The following PLS3 variants were observed in gnomAD, a reference collection of about 807,000 sequenced individuals.
PLS3 encodes the protein plastin 3.
A neutral mutation model predicts 46.5 loss-of-function variants in PLS3; 11 were observed. The observed-to-expected ratio is 0.24, with a 90% CI of 0.15 to 0.39. The LOEUF is 0.39. Ranked by LOEUF, PLS3 falls within the 10% of genes least tolerant of loss-of-function variation. The pLI is 1.00. For synonymous variants in PLS3, 167 were observed against 162.2 expected (o/e 1.03, Z -0.22); for missense variants, 308 against 461.8 (o/e 0.67, Z 3.05).
intron 2 of PLS3, among the ~76,000 whole-genome samples, chrX:115,618,987 T>C (rs1309984384): frequency 1.8e-5 from 2 of 112,601 alleles, no homozygotes; most frequent in African/African-American, 6.4e-5. Context: ...TCCAAAGATA[T>C]CATAAAAATG....
chrX:115,578,782 TATTA>T (rs782165760), intron 1 of PLS3, among the ~76,000 whole-genome samples: 48 of 110,737 alleles, frequency 4.3e-4, no homozygotes, highest in Non-Finnish European at 7.7e-4. Flanking sequence ...TCATTTTCCC[TATTA>T]ATTTAATTAT....
chrX:115,607,946 C>T (rs1323706771), intron 1 of PLS3, among the ~76,000 whole-genome samples: 4 of 111,779 alleles, frequency 3.6e-5, no homozygotes, highest in Non-Finnish European at 5.6e-5. Context: ...GTCCTGAGAG[C>T]CCAGGTCTTC....
chrX:115,639,271 C>T (rs2074870987), intron 8 of PLS3, among the ~76,000 whole-genome samples: 1 of 111,861 alleles, frequency 8.9e-6, no homozygotes, highest in South Asian at 3.7e-4. Flanking sequence ...AAATGCTATG[C>T]CCCCAAATGA....
chrX:115,645,237 A>G (rs191182088), intron 11 of PLS3, 138 bp downstream of exon 11: 29 of 471,111 alleles, frequency 6.2e-5, no homozygotes, highest in African/African-American at 5.1e-4. Context: ...GATTTCCATC[A>G]TCATTTTCCA....
At chrX:115,561,897 G>A (rs1170920627) in intron 1 of PLS3, among the ~76,000 whole-genome samples, 1 of 111,334 alleles carries the variant, frequency 9.0e-6, no homozygotes, top group Non-Finnish European at 1.9e-5. Flanking sequence ...AGGGCGTCGC[G>A]AACGCACCTA....
At chrX:115,635,582 C>T (rs1419173672) in intron 7 of PLS3, among the ~76,000 whole-genome samples, 2 of 89,651 alleles carry the variant, frequency 2.2e-5, no homozygotes, top group Non-Finnish European at 4.1e-5. Context: ...ACCCGGAAGG[C>T]GGAGGTTGCA....
chrX:115,622,673 C>A (rs1299622414), intron 3 of PLS3, among the ~76,000 whole-genome samples: 3 of 111,306 alleles, frequency 2.7e-5, no homozygotes, highest in Non-Finnish European at 5.6e-5. Flanking sequence ...GGCGAACAGT[C>A]TCCTTTCATG....
Position 115,650,428 on chromosome X carries a change from G to T in PLS3, c.*867G>T. ...AATATGATACTTTTGAGGAGAGAGT[G>T]TGCTCAGAACTTAGACGGGATTTGG... On this transcript the variant is annotated 3_prime_UTR_variant, in exon 16 of 16. Coordinates refer to ENST00000355899, the MANE Select transcript of PLS3 (RefSeq NM_005032.7). 8.9e-6 allele frequency: 1 copy of T among 112,172 alleles called. No homozygotes were observed. The highest frequency in any genetic ancestry group is 4.6e-3 in the Middle Eastern group (1 of 219). The allele number at this position is 112,172 out of a possible 1,213,427, so 9.2% of individuals were successfully genotyped here.
intron 1 of PLS3, among the ~76,000 whole-genome samples, chrX:115,604,325 C>T (rs1451040262): frequency 1.8e-5 from 2 of 112,168 alleles, no homozygotes; most frequent in Admixed American, 1.9e-4. Flanking sequence ...TTAACCCAAG[C>T]ATTCATTTAT....
At chrX:115,617,621 A>C (rs2074609969) in intron 2 of PLS3, among the ~76,000 whole-genome samples, 1 of 112,187 alleles carries the variant, frequency 8.9e-6, no homozygotes, top group Non-Finnish European at 1.9e-5. Flanking sequence ...CAAAGATTTA[A>C]AAGAATCTTT....
chrX:115,571,309 G>A (rs1200976245), intron 1 of PLS3, among the ~76,000 whole-genome samples: 2 of 111,824 alleles, frequency 1.8e-5, no homozygotes, highest in East Asian at 5.6e-4. Flanking sequence ...CTTCAGCTCA[G>A]GAGTTCGAAA....
intron 10 of PLS3, among the ~76,000 whole-genome samples, chrX:115,644,007 C>T (rs1193876594): frequency 4.5e-5 from 5 of 111,046 alleles, no homozygotes; most frequent in African/African-American, 9.8e-5. Context: ...GTAGTCGAGT[C>T]GCTTAATGTA....
chrX:115,563,189 A>G (rs977275666), intron 1 of PLS3, among the ~76,000 whole-genome samples: 9 of 112,017 alleles, frequency 8.0e-5, no homozygotes, highest in African/African-American at 2.9e-4. Context: ...TCTGGCCTAT[A>G]TTCTAATTGA....
chrX:115,589,737 G>A (rs782320535), intron 1 of PLS3, among the ~76,000 whole-genome samples: 3 of 112,215 alleles, frequency 2.7e-5, no homozygotes, highest in African/African-American at 9.7e-5. Flanking sequence ...ACTATGCCTA[G>A]CTTTTGTGTT....
rs1212047902 is a variant in PLS3 at position 115,594,668 on chromosome X, T to TCACA, written c.-8-15555_-8-15552dup. On this transcript the variant is annotated intron_variant, in intron 1 of 15. Coordinates refer to ENST00000355899, the MANE Select transcript of PLS3 (RefSeq NM_005032.7). ...CCCTCTCTCTCTCTCTCTCTCTCTC[T>TCACA]CACACACACACACACACACACACCC... 7.9e-3 allele frequency among the ~76,000 whole-genome samples: 775 copies of TCACA among 97,990 alleles called. 10 individuals carry two copies. Among genetic ancestry groups the TCACA allele is most frequent in the African/African-American group, 0.027 (662 of 24,863 alleles). 85.1% of individuals were successfully genotyped at this position (97,990 alleles called of 115,157 possible). A position where few individuals can be genotyped will look rare whatever the true frequency, so the allele number is the denominator to read the frequency against.
intron 15 of PLS3, among the ~76,000 whole-genome samples, chrX:115,648,767 CA>C (rs1478987324): frequency 8.9e-6 from 1 of 111,919 alleles, no homozygotes; most frequent in Non-Finnish European, 1.9e-5. Flanking sequence ...CACAATATAT[CA>C]AGAACTCTTG....
intron 1 of PLS3, among the ~76,000 whole-genome samples, chrX:115,562,080 C>A (rs782821077): frequency 1.8e-5 from 2 of 110,474 alleles, no homozygotes; most frequent in South Asian, 8.0e-4. Context: ...GGACCTCTCC[C>A]GACTCTTGGA....
chrX:115,598,003 A>G (rs1332080174), intron 1 of PLS3, among the ~76,000 whole-genome samples: 3 of 111,407 alleles, frequency 2.7e-5, no homozygotes, highest in African/African-American at 9.8e-5. Flanking sequence ...CACATTGACT[A>G]TAAGAAGAAA....
At chrX:115,587,930 A>G (rs2074320874) in intron 1 of PLS3, among the ~76,000 whole-genome samples, 1 of 112,006 alleles carries the variant, frequency 8.9e-6, no homozygotes, top group African/African-American at 3.2e-5. Context: ...ATTTTTGAGA[A>G]CTTGCATTGG....
Sources: gnomAD v4.1 joint callset for allele counts (sites outside exome capture counted in the v4.1 genomes callset) on GRCh38, gnomAD v4.1.1 for gene constraint, MANE v1.5 for transcripts, NCBI Gene and HGNC (gene_info 2026-07-23, HGNC 2026-07-21) for gene names.